RCOR3: variants seen among roughly 807,000 people sequenced by gnomAD.
RCOR3 encodes the protein REST corepressor 3.
Under a neutral mutation model 64.1 loss-of-function variants are expected in RCOR3, and 13 were observed. That is an observed-to-expected ratio of 0.20 (90% confidence interval 0.13 to 0.32). The LOEUF is 0.32. RCOR3 is among the 10% of genes least tolerant of loss of function. The pLI, the probability that RCOR3 is intolerant of heterozygous loss-of-function variation, is 1.00. For missense variants in RCOR3, 489 were observed against 701.2 expected, an observed-to-expected ratio of 0.70 and a Z score of 3.42; for synonymous variants, 215 against 239.0, an observed-to-expected ratio of 0.90 and a Z score of 0.93.
chr1:211,269,933 G>C (rs1332501096), intron 2 of RCOR3, among the ~76,000 whole-genome samples: 1 of 152,068 alleles, frequency 6.6e-6, no homozygotes, highest in Admixed American at 6.6e-5. Context: ...TTCAAGACCA[G>C]CCTAGGCAGC....
rs1304827366 is a variant in RCOR3 at position 211,315,963 on chromosome 1, G to C, written c.*2195G>C. Reference sequence around the variant, plus strand: ...TTCTTTTTTGTTTAAGCAGTGTTTGGCCTGGAAGAGTGATATGCTTGCTGC... The same window carrying C: ...TTCTTTTTTGTTTAAGCAGTGTTTGCCCTGGAAGAGTGATATGCTTGCTGC... On this transcript the variant is annotated 3_prime_UTR_variant, in exon 12 of 12. Coordinates refer to ENST00000419091, the MANE Select transcript of RCOR3 (RefSeq NM_001136223.3). 1 of 152,094 alleles carries C rather than the reference G, an allele frequency of 6.6e-6. No individual in the cohort carries two copies. The highest frequency in any genetic ancestry group is 1.5e-5 in the Non-Finnish European group (1 of 68,030). The allele number at this position is 152,094 out of a possible 1,614,324, so 9.4% of individuals were successfully genotyped here. A position where few individuals can be genotyped will look rare whatever the true frequency, so the allele number is the denominator to read the frequency against.
intron 2 of RCOR3, 50 bp from the exon 3 acceptor site, chr1:211,271,176 TATTTTC>T (rs1696135026): frequency 6.6e-7 from 1 of 1,517,764 alleles, no homozygotes; most frequent in East Asian, 2.3e-5. Flanking sequence ...TGTTTCTACT[TATTTTC>T]AGTGTAAATA....
At chr1:211,296,558 G>A (rs868302809) in intron 9 of RCOR3, among the ~76,000 whole-genome samples, 33 of 152,194 alleles carry the variant, frequency 2.2e-4, no homozygotes, top group South Asian at 2.1e-4. Flanking sequence ...TATGTGAGGG[G>A]CTATGGGGAG....
intron 2 of RCOR3, among the ~76,000 whole-genome samples, chr1:211,270,273 G>A (rs1425030573): frequency 1.3e-5 from 2 of 152,018 alleles, no homozygotes; most frequent in East Asian, 1.9e-4. Flanking sequence ...ATGTAGGCCA[G>A]GCTAGTCTTG....
chr1:211,294,586 CTTTTTTTTTTTT>C (rs35962546), intron 8 of RCOR3, among the ~76,000 whole-genome samples: 2 of 88,030 alleles, frequency 2.3e-5, no homozygotes, highest in South Asian at 4.7e-4. Context: ...TTCTTTCTTT[CTTTTTTTTTTTT>C]TTTTTTTTTG....
At chr1:211,273,755 C>G (rs1553253294) in intron 3 of RCOR3, among the ~76,000 whole-genome samples, 1 of 152,096 alleles carries the variant, frequency 6.6e-6, no homozygotes, top group Non-Finnish European at 1.5e-5. Flanking sequence ...GTATAGCTGG[C>G]AAAACTATAA....
At chr1:211,271,504 G>A (rs554604782) in intron 3 of RCOR3, 195 bp downstream of exon 3, 2 of 647,634 alleles carry the variant, frequency 3.1e-6, no homozygotes, top group East Asian at 3.1e-5. Context: ...AAGATAGTGG[G>A]TTGATCATTC....
chr1:211,288,604 T>G lies in RCOR3; in HGVS notation c.721-574T>G, dbSNP rs911203612. Among the ~76,000 whole-genome samples, 5 of 148,316 alleles carry G rather than the reference T, an allele frequency of 3.4e-5. No homozygotes were observed. In the East Asian group the frequency reaches 9.7e-4, roughly 29 times the overall value. On this transcript the variant is annotated intron_variant, in intron 7 of 11. Transcript: ENST00000419091. ...TATTTTATTTATTATATTTATTATT[T>G]ATTTTATTTAATCATAGATTTGGAA... is the stretch of plus-strand genomic sequence containing the variant.
intron 7 of RCOR3, among the ~76,000 whole-genome samples, chr1:211,280,879 G>A (rs1697698016): frequency 6.6e-6 from 1 of 151,900 alleles, no homozygotes; most frequent in East Asian, 1.9e-4. Context: ...AGCTACTCGG[G>A]AGGTCGAGGC....
chr1:211,264,211 A>G (rs1320397458), intron 2 of RCOR3, among the ~76,000 whole-genome samples: 8 of 152,092 alleles, frequency 5.3e-5, no homozygotes, highest in Non-Finnish European at 8.8e-5. Flanking sequence ...AAGCCACTCA[A>G]TCCATCTTTA....
intron 10 of RCOR3, among the ~76,000 whole-genome samples, chr1:211,306,367 TAAAA>T (rs957078295): frequency 1.3e-5 from 2 of 149,676 alleles, no homozygotes; most frequent in African/African-American, 4.9e-5. Flanking sequence ...TTTCTTTTTT[TAAAA>T]AAAAAAGTAT....
At chr1:211,271,421 T>C in intron 3 of RCOR3, 112 bp downstream of exon 3, 1 of 788,210 alleles carries the variant, frequency 1.3e-6, no homozygotes, top group South Asian at 1.6e-5. Flanking sequence ...AACAGTTTTG[T>C]CTTTGTTTTA....
Position 211,259,523 on chromosome 1 carries a change from G to A in RCOR3, c.-38G>A. On this transcript the variant is annotated 5_prime_UTR_variant, in exon 1 of 12. Transcript: ENST00000419091. The stretch of plus-strand genomic sequence containing the variant: ...CATCTCCGCCTTCACCCTGACGCCT[G>A]CCTCTTCCCCTCACCTTTCCCCCTC... The A allele has an allele frequency of 1.3e-6, 2 of 1,530,166 alleles. No individual in the cohort carries two copies. Among genetic ancestry groups the A allele is most frequent in the East Asian group, 2.6e-5 (1 of 38,204 alleles). The allele number at this position is 1,530,166 out of a possible 1,614,324, so 94.8% of individuals were successfully genotyped here. A position where few individuals can be genotyped will look rare whatever the true frequency, so the allele number is the denominator to read the frequency against.
chr1:211,268,605 G>A (rs570987844), intron 2 of RCOR3, among the ~76,000 whole-genome samples: 54 of 151,998 alleles, frequency 3.6e-4, no homozygotes, highest in African/African-American at 1.2e-3. Flanking sequence ...TCGAACTCCC[G>A]ACCTCAGGTG....
intron 3 of RCOR3, 58 bp from the exon 4 acceptor site, chr1:211,274,152 G>T: frequency 8.4e-7 from 1 of 1,194,712 alleles, no homozygotes. Flanking sequence ...AACAAAAGTA[G>T]ACCTAGGTAA....
chr1:211,284,979 A>G (rs1698331160), intron 7 of RCOR3, among the ~76,000 whole-genome samples: 1 of 152,202 alleles, frequency 6.6e-6, no homozygotes, highest in African/African-American at 2.4e-5. Context: ...AATTACTTAT[A>G]ATAAGCCTCA....
At chr1:211,275,746 A>G (rs1217905359) in intron 4 of RCOR3, among the ~76,000 whole-genome samples, 1 of 152,188 alleles carries the variant, frequency 6.6e-6, no homozygotes, top group Non-Finnish European at 1.5e-5. Flanking sequence ...AAAAATTGTT[A>G]AAGTTGCAGT....
intron 2 of RCOR3, among the ~76,000 whole-genome samples, chr1:211,262,722 G>A (rs76663550): frequency 0.037 from 5,677 of 151,874 alleles, 166 homozygotes; most frequent in Non-Finnish European, 0.055. Context: ...TCATTGGAAA[G>A]CATCTTTTTT....
chr1:211,294,038 A>G (rs1699560550), intron 8 of RCOR3, among the ~76,000 whole-genome samples: 1 of 152,208 alleles, frequency 6.6e-6, no homozygotes, highest in African/African-American at 2.4e-5. Context: ...AAACTGTTAT[A>G]ATATAAGTAG....
Sources: gnomAD v4.1 joint callset for allele counts (sites outside exome capture counted in the v4.1 genomes callset) on GRCh38, gnomAD v4.1.1 for gene constraint, MANE v1.5 for transcripts, NCBI Gene and HGNC (gene_info 2026-07-23, HGNC 2026-07-21) for gene names.